PTPRD: variants seen among roughly 807,000 people sequenced by gnomAD.
PTPRD encodes the protein protein tyrosine phosphatase receptor type D, also known as receptor-type tyrosine-protein phosphatase delta.
PTPRD carries 34 observed loss-of-function variants against 214.5 expected under a neutral mutation model. The ratio of observed to expected loss-of-function variants is 0.16; its 90% CI spans 0.12 to 0.21. The LOEUF is 0.21. Among genes scored for constraint, PTPRD ranks in the 10% least tolerant of loss-of-function variants. The probability of loss-of-function intolerance (pLI) is 1.00; values close to 1 mark genes in which losing one functional copy is unlikely to be tolerated. For synonymous variants in PTPRD, 1,128 were observed against 845.7 expected, an observed-to-expected ratio of 1.33 and a Z score of -5.79; for missense variants, 2,545 against 2,398.7, an observed-to-expected ratio of 1.06 and a Z score of -1.27.
rs2099630218 is a variant in PTPRD, at chr9:9,038,771, G to T, written c.-142-20036C>A. The stretch of plus-strand genomic sequence containing the variant: ...GGGATTTCACCATGTTGGCCAGGCT[G>T]GTCTTGAACTCCTGACCTCAAGTGA... On this transcript the variant is annotated intron_variant, in intron 10 of 45. Transcript: ENST00000381196. Among the ~76,000 whole-genome samples the T allele has an allele frequency of 4.0e-5, 6 of 151,822 alleles. No individual in the cohort carries two copies. In the South Asian group the frequency reaches 1.2e-3, roughly 32 times the overall value.
intron 14 of PTPRD, among the ~76,000 whole-genome samples, chr9:8,586,059 T>C (rs73423214): frequency 0.059 from 8,360 of 141,204 alleles, 821 homozygotes; most frequent in African/African-American, 0.23. Flanking sequence ...CCCAGGACTT[T>C]GGGTAACTGA....
chr9:9,367,697 G>A (rs180808821), intron 9 of PTPRD, among the ~76,000 whole-genome samples: 11 of 151,498 alleles, frequency 7.3e-5, no homozygotes, highest in African/African-American at 2.2e-4. Context: ...AGACGTGTTC[G>A]GACAAAAAAA....
intron 2 of PTPRD, among the ~76,000 whole-genome samples, chr9:10,410,139 C>G (rs990297571): frequency 1.3e-5 from 2 of 150,756 alleles, no homozygotes; most frequent in East Asian, 3.9e-4. Context: ...ATTCTGTTTT[C>G]TCTTTATTCA....
At chr9:9,050,927 G>C (rs1445191354) in intron 10 of PTPRD, among the ~76,000 whole-genome samples, 3 of 152,232 alleles carry the variant, frequency 2.0e-5, no homozygotes, top group African/African-American at 7.2e-5. Flanking sequence ...CACAGTGTCA[G>C]GCATCCACTG....
chr9:10,193,745 G>A (rs1469160100), intron 3 of PTPRD, among the ~76,000 whole-genome samples: 2 of 152,112 alleles, frequency 1.3e-5, no homozygotes, highest in African/African-American at 4.8e-5. Context: ...TATCTGGAAA[G>A]AGTTTTAGGA....
intron 11 of PTPRD, among the ~76,000 whole-genome samples, chr9:8,820,691 C>T (rs1053606921): frequency 7.2e-5 from 11 of 151,940 alleles, no homozygotes; most frequent in African/African-American, 1.2e-4. Context: ...TCTCAGCGAA[C>T]GCCTCCTTGA....
chr9:8,622,135 T>TA (rs144696708), intron 14 of PTPRD, among the ~76,000 whole-genome samples: 1 of 151,862 alleles, frequency 6.6e-6, no homozygotes, highest in African/African-American at 2.4e-5. Context: ...AGTGCAGCAA[T>TA]AAAAAACTCC....
intron 30 of PTPRD, among the ~76,000 whole-genome samples, chr9:8,482,080 C>G (rs10511498): frequency 0.29 from 44,278 of 152,048 alleles, 6,421 homozygotes; most frequent in East Asian, 0.33. Context: ...CATGCCTGGC[C>G]ATCTTTAATC....
chr9:9,294,401 G>A (rs761796732), intron 9 of PTPRD, among the ~76,000 whole-genome samples: 2 of 151,654 alleles, frequency 1.3e-5, no homozygotes, highest in Non-Finnish European at 3.0e-5. Context: ...TAACTTTTAT[G>A]TGGCTCCTTG....
chr9:8,724,592 A>G (rs1367155884), intron 12 of PTPRD, among the ~76,000 whole-genome samples: 2 of 152,174 alleles, frequency 1.3e-5, no homozygotes, highest in Non-Finnish European at 2.9e-5. Flanking sequence ...TAGAATAAAA[A>G]CCAAGATTTT....
At chr9:8,326,324 T>C (rs1329977464) in intron 44 of PTPRD, among the ~76,000 whole-genome samples, 1 of 152,228 alleles carries the variant, frequency 6.6e-6, no homozygotes, top group Admixed American at 6.5e-5. Context: ...TCTATTGAGA[T>C]AATCATGTGG....
At chr9:9,141,287 C>A (rs1194241871) in intron 10 of PTPRD, among the ~76,000 whole-genome samples, 1 of 150,352 alleles carries the variant, frequency 6.7e-6, no homozygotes, top group African/African-American at 2.5e-5. Flanking sequence ...CACTACAGAC[C>A]CTAGGTTCCT....
chr9:10,215,170 G>T (rs543975548), intron 3 of PTPRD, among the ~76,000 whole-genome samples: 38 of 151,554 alleles, frequency 2.5e-4, no homozygotes, highest in African/African-American at 8.2e-4. Flanking sequence ...AGAAAATAAG[G>T]TACCATAAAT....
At chr9:9,803,060 C>G (rs2099051466) in intron 5 of PTPRD, among the ~76,000 whole-genome samples, 2 of 151,782 alleles carry the variant, frequency 1.3e-5, no homozygotes, top group African/African-American at 2.4e-5. Context: ...TATTTTGCAG[C>G]ATATGCATAT....
chr9:9,923,227 T>C (rs1318576716), intron 5 of PTPRD, among the ~76,000 whole-genome samples: 3 of 141,846 alleles, frequency 2.1e-5, no homozygotes, highest in Middle Eastern at 3.3e-3. Context: ...AGGTGTTGTA[T>C]ATTTTTACAC....
intron 30 of PTPRD, among the ~76,000 whole-genome samples, chr9:8,475,957 A>G (rs531186207): frequency 6.6e-5 from 10 of 152,128 alleles, no homozygotes; most frequent in South Asian, 4.2e-4. Flanking sequence ...TGCCATTTCC[A>G]CTTTTTAAAA....
Position 8,630,443 on chromosome 9 carries a change from GCAAA to G in PTPRD, c.352+2870_352+2873del, listed in dbSNP as rs1434737408. ...AAATAACAATATTTAGAAGTTTTAA[GCAAA>G]CAGTGACTCCAGGAAACAAAAATAA... On this transcript the variant is annotated intron_variant, in intron 14 of 45. Coordinates refer to ENST00000381196, the MANE Select transcript of PTPRD (RefSeq NM_002839.4). Among the ~76,000 whole-genome samples the G allele has an allele frequency of 3.3e-5, 5 of 151,870 alleles. No individual in the cohort carries two copies. The East Asian group carries it at 7.8e-4, about 24-fold the overall frequency.
chr9:10,449,170 C>T (rs924606822), intron 2 of PTPRD, among the ~76,000 whole-genome samples: 1 of 150,026 alleles, frequency 6.7e-6, no homozygotes, highest in African/African-American at 2.5e-5. Context: ...CTGCCAAGTG[C>T]CTGGGATTGC....
chr9:9,296,450 G>T (rs1212335418), intron 9 of PTPRD, among the ~76,000 whole-genome samples: 1 of 151,716 alleles, frequency 6.6e-6, no homozygotes, highest in Admixed American at 6.6e-5. Context: ...TTGACCATAT[G>T]TTCAAATATA....
Sources: allele counts gnomAD v4.1 joint callset (sites outside exome capture counted in the v4.1 genomes callset), GRCh38; gene constraint gnomAD v4.1.1; transcripts MANE v1.5; gene names NCBI Gene and HGNC (gene_info 2026-07-23, HGNC 2026-07-21).